The following GPC5 variants were observed in gnomAD, a reference collection of about 807,000 sequenced individuals.
GPC5 encodes the protein glypican-5.
Under a neutral mutation model 53.9 loss-of-function variants are expected in GPC5, and 47 were observed. The ratio of observed to expected loss-of-function variants is 0.87; its 90% CI spans 0.69 to 1.11. GPC5 has a LOEUF of 1.11. Ranked by LOEUF, GPC5 falls within the 50% of genes most tolerant of loss-of-function variation. GPC5 has a pLI of 0.00. For synonymous variants in GPC5, 286 were observed against 263.3 expected, an observed-to-expected ratio of 1.09 and a Z score of -0.84; for missense variants, 748 against 713.1, an observed-to-expected ratio of 1.05 and a Z score of -0.56.
At chr13:92,666,551 A>C (rs1369454529) in intron 7 of GPC5, among the ~76,000 whole-genome samples, 1 of 152,216 alleles carries the variant, frequency 6.6e-6, no homozygotes, top group Non-Finnish European at 1.5e-5. Flanking sequence ...AATTCTGACA[A>C]ATGTTCTAAT....
intron 5 of GPC5, among the ~76,000 whole-genome samples, chr13:91,830,076 G>A (rs560245033): frequency 1.1e-4 from 17 of 151,636 alleles, no homozygotes; most frequent in African/African-American, 3.9e-4. Flanking sequence ...AAGCCTGGGA[G>A]TGCTATGGGA....
intron 6 of GPC5, among the ~76,000 whole-genome samples, chr13:91,908,970 C>T (rs1183489254): frequency 2.0e-5 from 3 of 152,028 alleles, no homozygotes; most frequent in Non-Finnish European, 1.5e-5. Context: ...TCTGCAAAGA[C>T]AAAGCTTAAG....
rs1040797306 is a variant in GPC5 at position 92,234,829 on chromosome 13, G to T, written c.1561+89840G>T. 2.6e-4 allele frequency among the ~76,000 whole-genome samples: 40 copies of T among 152,106 alleles called. 1 individual carries two copies. Among genetic ancestry groups the T allele is most frequent in the African/African-American group, 8.9e-4 (37 of 41,408 alleles). ...TCAAACAGCTCTTTCTATATCCACT[G>T]TCTCTCAAATACCTTCAGCCTGAAG... On this transcript the variant is annotated intron_variant, in intron 7 of 7. Coordinates refer to ENST00000377067, the MANE Select transcript of GPC5 (RefSeq NM_004466.6).
At chr13:91,800,614 C>T (rs1307592879) in intron 5 of GPC5, among the ~76,000 whole-genome samples, 1 of 152,038 alleles carries the variant, frequency 6.6e-6, no homozygotes, top group East Asian at 1.9e-4. Flanking sequence ...GTGCAGAGTA[C>T]ATAATATGCT....
At chr13:92,108,519 A>C (rs1271106676) in intron 6 of GPC5, among the ~76,000 whole-genome samples, 1 of 152,188 alleles carries the variant, frequency 6.6e-6, no homozygotes. Flanking sequence ...CCTTCCATGC[A>C]ATGAAGAACT....
rs34227770 is a variant in GPC5, at chr13:91,456,214, T to C, written c.325+7292T>C. ...TTTGATCAGCCTGTTGTCTGTTAGATATTTTGGGAGTAACAATTTTTCCAA... is the reference window on the plus strand; with the variant it reads ...TTTGATCAGCCTGTTGTCTGTTAGACATTTTGGGAGTAACAATTTTTCCAA... On this transcript the variant is annotated intron_variant, in intron 2 of 7. Transcript: ENST00000377067. Among the ~76,000 whole-genome samples the C allele has an allele frequency of 4.3e-3, 656 of 152,296 alleles. 6 individuals are homozygous for C. The highest frequency in any genetic ancestry group is 6.8e-3 in the Non-Finnish European group (460 of 67,998).
At chr13:91,896,811 C>T (rs1318689884) in intron 5 of GPC5, among the ~76,000 whole-genome samples, 1 of 152,138 alleles carries the variant, frequency 6.6e-6, no homozygotes, top group Non-Finnish European at 1.5e-5. Context: ...TTTATGGAAC[C>T]AAGTCCTGCT....
chr13:92,201,285 A>G (rs2042293471), intron 7 of GPC5, among the ~76,000 whole-genome samples: 1 of 152,208 alleles, frequency 6.6e-6, no homozygotes, highest in South Asian at 2.1e-4. Context: ...GTATTTCATC[A>G]GTTCTAAGTT....
chr13:92,153,143 T>C (rs1335455720), intron 7 of GPC5, among the ~76,000 whole-genome samples: 6 of 152,192 alleles, frequency 3.9e-5, no homozygotes. Flanking sequence ...TTTTGCTTTC[T>C]TTCTTTTTTT....
chr13:91,896,069 G>T (rs998878975), intron 5 of GPC5, among the ~76,000 whole-genome samples: 1 of 151,504 alleles, frequency 6.6e-6, no homozygotes, highest in Non-Finnish European at 1.5e-5. Context: ...TGTATTTAGG[G>T]CCTGCCCAGA....
intron 6 of GPC5, among the ~76,000 whole-genome samples, chr13:91,923,146 T>C (rs2139019908): frequency 6.6e-6 from 1 of 152,330 alleles, no homozygotes; most frequent in East Asian, 1.9e-4. Flanking sequence ...TCTCTATCTC[T>C]CTAATCATCT....
intron 7 of GPC5, among the ~76,000 whole-genome samples, chr13:92,507,667 A>G (rs945847549): frequency 2.6e-5 from 4 of 152,204 alleles, no homozygotes; most frequent in African/African-American, 9.7e-5. Flanking sequence ...TACAAGTTAT[A>G]CCACTGAGAA....
At chr13:92,538,749 G>A (rs1200906252) in intron 7 of GPC5, among the ~76,000 whole-genome samples, 1 of 98,574 alleles carries the variant, frequency 1.0e-5, no homozygotes, top group Non-Finnish European at 2.0e-5. Context: ...TGCTCAGAAT[G>A]ATGGTTTCCA....
At chr13:92,043,720 A>G (rs1566409670) in intron 6 of GPC5, among the ~76,000 whole-genome samples, 1 of 152,208 alleles carries the variant, frequency 6.6e-6, no homozygotes, top group African/African-American at 2.4e-5. Flanking sequence ...GGAATAATTT[A>G]GGGAGCTAAG....
At position 91,827,510 on chromosome 13, in the gene GPC5, A is replaced by G. The variant is rs1594599862; in HGVS notation, c.1280+71090A>G. ...GAATAGAAGAACAAAGGACATGAAC[A>G]GACACTTAGATCATAAAGGAAGATA... On this transcript the variant is annotated intron_variant, in intron 5 of 7. Coordinates refer to ENST00000377067, the MANE Select transcript of GPC5 (RefSeq NM_004466.6). 2.6e-5 allele frequency among the ~76,000 whole-genome samples: 4 copies of G among 152,120 alleles called. No individual in the cohort carries two copies. In the South Asian group the frequency reaches 8.3e-4, roughly 31 times the overall value.
At position 91,693,486 on chromosome 13, in the gene GPC5, C is replaced by G. The variant is rs757059099; in HGVS notation, c.625C>G (p.Gln209Glu). The change falls in exon 3 of 8, where the codon CAA becomes GAA. Residue 209 changes from glutamine to glutamate, a missense_variant. Transcript: ENST00000377067. ...TGTGAGTCCATTTGGTAATATTCCC[C>G]AAAGAGTAATGGGACAGATGGGGAG... ...RDVSPFGNIPQRVMGQMGRSL... is the reference protein window; with the variant it reads ...RDVSPFGNIPERVMGQMGRSL... 6.2e-7 allele frequency: 1 copy of G among 1,614,030 alleles called. No individual in the cohort carries two copies. Among genetic ancestry groups the G allele is most frequent in the Admixed American group, 1.7e-5 (1 of 60,000 alleles).
Position 91,946,812 on chromosome 13 carries a change from A to G in GPC5, c.1401+38755A>G, listed in dbSNP as rs1318638922. On this transcript the variant is annotated intron_variant, in intron 6 of 7. Coordinates refer to ENST00000377067, the MANE Select transcript of GPC5 (RefSeq NM_004466.6). ...AAACTCAATACCTTGAGTCTGTTTC[A>G]TAGCTTGGCCTGGTACCTTAGGCCA... 2.6e-5 allele frequency among the ~76,000 whole-genome samples: 4 copies of G among 152,204 alleles called. No homozygotes were observed. The East Asian group carries it at 7.7e-4, about 29-fold the overall frequency.
At chr13:91,508,720 A>G (rs1440732683) in intron 2 of GPC5, among the ~76,000 whole-genome samples, 1 of 152,232 alleles carries the variant, frequency 6.6e-6, no homozygotes, top group African/African-American at 2.4e-5. Flanking sequence ...ATAAACATAT[A>G]TCTAATTCAG....
intron 6 of GPC5, among the ~76,000 whole-genome samples, chr13:91,909,410 C>T (rs991072831): frequency 6.6e-5 from 10 of 152,206 alleles, no homozygotes; most frequent in African/African-American, 2.2e-4. Flanking sequence ...TGTGAGGACA[C>T]GGTGAAATCT....
Sources: gnomAD v4.1 joint callset for allele counts (sites outside exome capture counted in the v4.1 genomes callset) on GRCh38, gnomAD v4.1.1 for gene constraint, MANE v1.5 for transcripts, NCBI Gene and HGNC (gene_info 2026-07-23, HGNC 2026-07-21) for gene names.